The following MB21D2 variants were observed in gnomAD, a reference collection of about 807,000 sequenced individuals.
MB21D2 encodes Mab-21 domain containing 2, also known as nucleotidyltransferase MB21D2.
A neutral mutation model predicts 33.3 loss-of-function variants in MB21D2; 9 were observed. The ratio of observed to expected loss-of-function variants is 0.27; its 90% CI spans 0.16 to 0.47. The LOEUF is 0.47. Ranked by LOEUF, MB21D2 falls within the 20% of genes least tolerant of loss-of-function variation. The pLI is 0.99. For synonymous variants in MB21D2, 241 were observed against 236.3 expected, an observed-to-expected ratio of 1.02 and a Z score of -0.18; for missense variants, 540 against 624.6, an observed-to-expected ratio of 0.86 and a Z score of 1.44.
intron 1 of MB21D2, among the ~76,000 whole-genome samples, chr3:192,870,873 G>A (rs927518811): frequency 3.3e-5 from 5 of 152,034 alleles, no homozygotes; most frequent in Non-Finnish European, 5.9e-5. Context: ...AACTGGGAAT[G>A]GTTTCCTGTG....
At chr3:192,805,104 C>T (rs117312329) in intron 1 of MB21D2, among the ~76,000 whole-genome samples, 1 of 152,336 alleles carries the variant, frequency 6.6e-6, no homozygotes, top group East Asian at 1.9e-4. Context: ...CAGAATAACA[C>T]ATATGTCCTG....
At chr3:192,907,753 G>A (rs1478316115) in intron 1 of MB21D2, among the ~76,000 whole-genome samples, 1 of 152,114 alleles carries the variant, frequency 6.6e-6, no homozygotes, top group Non-Finnish European at 1.5e-5. Flanking sequence ...GAATTCCTAC[G>A]ACTTGCGTTC....
In MB21D2 at chr3:192,867,430, C is replaced by T. The variant is rs76908918; in HGVS notation, c.211+50200G>A. On this transcript the variant is annotated intron_variant, in intron 1 of 1. Coordinates refer to ENST00000392452, the MANE Select transcript of MB21D2 (RefSeq NM_178496.4). ...ACAATATACCCTGGCTGTCACCCCA[C>T]TATGTACCTCCATGGCTCAGTGACA... Among the ~76,000 whole-genome samples the T allele has an allele frequency of 4.0e-3, 603 of 152,290 alleles. 6 individuals carry two copies. The highest frequency in any genetic ancestry group is 0.014 in the African/African-American group (581 of 41,566).
intron 1 of MB21D2, among the ~76,000 whole-genome samples, chr3:192,837,651 G>A (rs1012868561): frequency 6.6e-6 from 1 of 152,178 alleles, no homozygotes. Flanking sequence ...AGTCTGGGCC[G>A]TCTGCATCTG....
intron 1 of MB21D2, among the ~76,000 whole-genome samples, chr3:192,888,372 G>A (rs930822155): frequency 6.6e-5 from 10 of 152,066 alleles, no homozygotes; most frequent in Admixed American, 6.5e-5. Context: ...AAGGTTAAAC[G>A]CAGTATATCT....
At chr3:192,916,218 C>T (rs1714463784) in intron 1 of MB21D2, among the ~76,000 whole-genome samples, 1 of 151,904 alleles carries the variant, frequency 6.6e-6, no homozygotes, top group Non-Finnish European at 1.5e-5. Context: ...GAGTGCGGCG[C>T]AAAAGGTAAA....
intron 1 of MB21D2, among the ~76,000 whole-genome samples, chr3:192,917,045 G>A (rs1486269457): frequency 2.0e-5 from 3 of 152,232 alleles, no homozygotes; most frequent in Non-Finnish European, 4.4e-5. Flanking sequence ...AGGAACTCCG[G>A]ACGCCTAGAC....
chr3:192,811,464 G>A (rs1031778001), intron 1 of MB21D2, among the ~76,000 whole-genome samples: 1 of 152,122 alleles, frequency 6.6e-6, no homozygotes, highest in African/African-American at 2.4e-5. Context: ...GAGCCTGGAA[G>A]CCTAAGCTAC....
At chr3:192,824,826 G>A (rs1436725426) in intron 1 of MB21D2, among the ~76,000 whole-genome samples, 1 of 152,068 alleles carries the variant, frequency 6.6e-6, no homozygotes, top group Non-Finnish European at 1.5e-5. Flanking sequence ...CAAGCAAACC[G>A]TGTTTTTTAT....
At position 192,799,675 on chromosome 3, in the gene MB21D2, A is replaced by C. The variant is rs1711517091; in HGVS notation, c.212-25T>G. On this transcript the variant is annotated intron_variant, in intron 1 of 1. Transcript: ENST00000392452. This position sits in a 1 kb window ranked among gnomAD's most constrained non-coding sequence, Gnocchi z 4.1. ...CCTGGAAATAAAGAAGAAAAAAACA[A>C]CACTATTACAGGAAACACAGACATA... 1 of 1,598,106 alleles carries C rather than the reference A, an allele frequency of 6.3e-7. No homozygotes were observed. The highest frequency in any genetic ancestry group is 1.1e-5 in the South Asian group (1 of 88,522).
chr3:192,828,334 G>C (rs1462066554), intron 1 of MB21D2, among the ~76,000 whole-genome samples: 2 of 151,534 alleles, frequency 1.3e-5, no homozygotes, highest in Non-Finnish European at 1.5e-5. Flanking sequence ...GTGACGCATG[G>C]AGAAATGAAG....
chr3:192,836,385 C>G (rs767871085), intron 1 of MB21D2, among the ~76,000 whole-genome samples: 1 of 152,186 alleles, frequency 6.6e-6, no homozygotes, highest in Non-Finnish European at 1.5e-5. Flanking sequence ...TGTGGACTCA[C>G]AAATTCTTAT....
intron 1 of MB21D2, among the ~76,000 whole-genome samples, chr3:192,885,522 A>G (rs924688774): frequency 1.3e-5 from 2 of 152,004 alleles, no homozygotes; most frequent in Non-Finnish European, 2.9e-5. Flanking sequence ...CGAAGTGGGG[A>G]GTTTTCCTAC....
intron 1 of MB21D2, among the ~76,000 whole-genome samples, chr3:192,843,482 A>T (rs1712615918): frequency 6.6e-6 from 1 of 152,188 alleles, no homozygotes; most frequent in South Asian, 2.1e-4. Context: ...GACCACAGAG[A>T]TGCTCAGCAA....
intron 1 of MB21D2, among the ~76,000 whole-genome samples, chr3:192,802,709 T>C: frequency 6.6e-6 from 1 of 152,220 alleles, no homozygotes. Flanking sequence ...TGAAAATCAT[T>C]TTCATTATTT....
chr3:192,917,362 G>A (rs1714489732), intron 1 of MB21D2, among the ~76,000 whole-genome samples: 1 of 152,228 alleles, frequency 6.6e-6, no homozygotes, highest in African/African-American at 2.4e-5. Flanking sequence ...CTGCCTGCCA[G>A]CCCCAGGTGG....
In MB21D2 at chr3:192,801,568, G is replaced by T. The variant is rs567622949; in HGVS notation, c.212-1918C>A. ...AGTGGAACCCTCATGAGTGGGATTG[G>T]TACCCTTATAAAAGAAACCTCAGAG... On this transcript the variant is annotated intron_variant, in intron 1 of 1. Transcript: ENST00000392452. Among the ~76,000 whole-genome samples the T allele has an allele frequency of 6.6e-5, 10 of 152,242 alleles. No individual in the cohort carries two copies. In the East Asian group the frequency reaches 1.9e-3, roughly 29 times the overall value.
chr3:192,874,216 A>C (rs754099251), intron 1 of MB21D2, among the ~76,000 whole-genome samples: 5 of 152,170 alleles, frequency 3.3e-5, no homozygotes, highest in African/African-American at 4.8e-5. Context: ...GTAAAAACTT[A>C]CTGGGCTGTA....
intron 1 of MB21D2, 75 bp downstream of exon 1, chr3:192,917,555 G>A (rs1714496414): frequency 6.6e-7 from 1 of 1,513,508 alleles, no homozygotes; most frequent in East Asian, 2.3e-5. Context: ...AGGTCGAGAA[G>A]CGGCAATGGG....
Sources: gnomAD v4.1 joint callset for allele counts (sites outside exome capture counted in the v4.1 genomes callset) on GRCh38, gnomAD v4.1.1 for gene constraint, Gnocchi (gnomAD v3.1) non-coding constraint, MANE v1.5 for transcripts, NCBI Gene and HGNC (gene_info 2026-07-23, HGNC 2026-07-21) for gene names.